TXNRD2: variants seen among roughly 807,000 people sequenced by gnomAD.
The protein encoded by TXNRD2 is thioredoxin reductase 2.
TXNRD2 carries 67 observed loss-of-function variants against 70.8 expected under a neutral mutation model. That is an observed-to-expected ratio of 0.95 (90% confidence interval 0.78 to 1.16). TXNRD2 has a LOEUF of 1.16. Among genes scored for constraint, TXNRD2 ranks in the 50% most tolerant of loss-of-function variants. The probability of loss-of-function intolerance (pLI) is 0.00; values close to 1 mark genes in which losing one functional copy is unlikely to be tolerated. For synonymous variants in TXNRD2, 301 were observed against 295.8 expected, an observed-to-expected ratio of 1.02 and a Z score of -0.18; for missense variants, 644 against 719.9, an observed-to-expected ratio of 0.89 and a Z score of 1.21.
intron 2 of TXNRD2, among the ~76,000 whole-genome samples, chr22:19,927,672 GAAAA>G (rs1941202905): frequency 3.2e-5 from 4 of 125,044 alleles, no homozygotes; most frequent in Admixed American, 8.0e-5. Context: ...AAAAAAAAAA[GAAAA>G]GAAAGAAAGA....
chr22:19,915,387 T>C (rs901157967), intron 6 of TXNRD2, 111 bp from the exon 7 acceptor site: 8 of 1,109,434 alleles, frequency 7.2e-6, no homozygotes, highest in Non-Finnish European at 1.1e-5. Flanking sequence ...CCCTGCCCTG[T>C]AGCGTGGACC....
intron 1 of TXNRD2, among the ~76,000 whole-genome samples, chr22:19,938,729 C>T (rs1941609424): frequency 6.6e-6 from 1 of 152,176 alleles, no homozygotes; most frequent in African/African-American, 2.4e-5. Flanking sequence ...TAATATTCCA[C>T]ATAACTTTTA....
At chr22:19,903,853 T>C (rs955317743) in intron 8 of TXNRD2, among the ~76,000 whole-genome samples, 1 of 152,236 alleles carries the variant, frequency 6.6e-6, no homozygotes, top group African/African-American at 2.4e-5. Context: ...GCCTAGTCAT[T>C]TGGGGTCACG....
chr22:19,899,220 G>A, intron 8 of TXNRD2, 152 bp from the exon 9 acceptor site: 1 of 962,022 alleles, frequency 1.0e-6, no homozygotes, highest in Non-Finnish European at 1.6e-6. Flanking sequence ...AGGGGACAAA[G>A]CCCACTTTCC....
intron 2 of TXNRD2, 21 bp downstream of exon 2, chr22:19,931,009 C>G: frequency 6.2e-7 from 1 of 1,612,748 alleles, no homozygotes; most frequent in South Asian, 1.1e-5. Flanking sequence ...GGCCTTGCCA[C>G]GAAGTATACA....
intron 11 of TXNRD2, among the ~76,000 whole-genome samples, chr22:19,889,634 A>G (rs1939181031): frequency 6.6e-6 from 1 of 151,364 alleles, no homozygotes; most frequent in Non-Finnish European, 1.5e-5. Flanking sequence ...AACAATTATT[A>G]TTATTATTAT....
intron 9 of TXNRD2, among the ~76,000 whole-genome samples, 198 bp from the exon 10 acceptor site, chr22:19,898,328 G>A (rs1939611604): frequency 6.6e-6 from 1 of 152,204 alleles, no homozygotes; most frequent in South Asian, 2.1e-4. Context: ...AGCACCCACG[G>A]ACTAGGCCGG....
At chr22:19,920,585 AAAAG>A (rs1192458486) in intron 2 of TXNRD2, among the ~76,000 whole-genome samples, 2 of 122,784 alleles carry the variant, frequency 1.6e-5, no homozygotes, top group Non-Finnish European at 3.5e-5. Flanking sequence ...TCTGTCTCAA[AAAAG>A]AAAGAAAGAA....
chr22:19,931,547 C>T (rs1195414218), intron 1 of TXNRD2, among the ~76,000 whole-genome samples: 7 of 152,212 alleles, frequency 4.6e-5, no homozygotes, highest in African/African-American at 9.6e-5. Flanking sequence ...AGGGCCCCCA[C>T]GACAGGGGCA....
At chr22:19,882,788 C>T (rs985626378) in intron 12 of TXNRD2, among the ~76,000 whole-genome samples, 1 of 152,220 alleles carries the variant, frequency 6.6e-6, no homozygotes, top group Non-Finnish European at 1.5e-5. Flanking sequence ...CTCCAGAGCC[C>T]CCACCCAGGA....
At chr22:19,936,885 A>G (rs1340838671) in intron 1 of TXNRD2, among the ~76,000 whole-genome samples, 2 of 152,268 alleles carry the variant, frequency 1.3e-5, no homozygotes, top group African/African-American at 4.8e-5. Context: ...AAAACAAACA[A>G]GTAGATTAGA....
At chr22:19,920,990 C>T (rs879890938) in intron 2 of TXNRD2, among the ~76,000 whole-genome samples, 32 of 151,886 alleles carry the variant, frequency 2.1e-4, no homozygotes, top group Non-Finnish European at 3.8e-4. Flanking sequence ...GCCTATAGTC[C>T]CAGTTACTCG....
chr22:19,921,414 C>CAAAAAAAA (rs34252435), intron 2 of TXNRD2, among the ~76,000 whole-genome samples: 11 of 75,436 alleles, frequency 1.5e-4, no homozygotes, highest in Non-Finnish European at 2.9e-4. Context: ...GACCCTGTCT[C>CAAAAAAAA]AAAAAAAAAA....
intron 4 of TXNRD2, 47 bp from the exon 5 acceptor site, chr22:19,918,264 G>C (rs781064348): frequency 6.7e-7 from 1 of 1,500,768 alleles, no homozygotes; most frequent in Non-Finnish European, 9.3e-7. Flanking sequence ...ACAGGTGTTA[G>C]CTGCAGGGCC....
intron 10 of TXNRD2, 117 bp from the exon 11 acceptor site, chr22:19,895,698 G>T: frequency 1.7e-6 from 2 of 1,167,344 alleles, no homozygotes; most frequent in Non-Finnish European, 2.5e-6. Flanking sequence ...TGCGGAAGAC[G>T]GGGTGAGACA....
chr22:19,926,112 G>A (rs557017430), intron 2 of TXNRD2, among the ~76,000 whole-genome samples: 31 of 148,818 alleles, frequency 2.1e-4, no homozygotes, highest in South Asian at 6.4e-4. Context: ...GCGGTGAGCC[G>A]AGATTGTGCC....
chr22:19,878,145 G>T lies in TXNRD2; in HGVS notation c.1390C>A (p.His464Asn). ...REPPQLVLGLHFLGPNAGEVT... is the reference protein window; with the variant it reads ...REPPQLVLGLNFLGPNAGEVT... ...TCGCCTGCGTTGGGGCCAAGGAAAT[G>T]CAGGCCCAGCACCAGCTGTGGGGGC... The change falls in exon 16 of 18, where the codon CAT becomes AAT. Residue 464 changes from histidine to asparagine, a missense_variant. This residue lies in a region of TXNRD2 where 566 missense variants were observed against 645.0 expected (regional missense o/e 0.88). Coordinates refer to ENST00000400521, the MANE Select transcript of TXNRD2 (RefSeq NM_006440.5). 1 of 1,613,392 alleles carries T rather than the reference G, an allele frequency of 6.2e-7. No homozygotes were observed. The highest frequency in any genetic ancestry group is 8.5e-7 in the Non-Finnish European group (1 of 1,180,012).
intron 11 of TXNRD2, among the ~76,000 whole-genome samples, chr22:19,890,151 T>A (rs895498463): frequency 1.3e-5 from 2 of 152,182 alleles, no homozygotes; most frequent in Non-Finnish European, 2.9e-5. Flanking sequence ...AGCACCACCA[T>A]GAGCTAGGGC....
chr22:19,922,493 C>G (rs778133109), intron 2 of TXNRD2, among the ~76,000 whole-genome samples: 1 of 152,148 alleles, frequency 6.6e-6, no homozygotes, highest in Non-Finnish European at 1.5e-5. Flanking sequence ...AAAAACAAAC[C>G]TTTCTCACAG....
Sources: allele counts gnomAD v4.1 joint callset (sites outside exome capture counted in the v4.1 genomes callset), GRCh38; gene constraint gnomAD v4.1.1; regional missense constraint gnomAD v4.1.1; transcripts MANE v1.5; gene names NCBI Gene and HGNC (gene_info 2026-07-23, HGNC 2026-07-21).